The following SLC35F1 variants were observed in gnomAD, a reference collection of about 807,000 sequenced individuals.
SLC35F1 encodes solute carrier family 35 member F1.
Under a neutral mutation model 48.7 loss-of-function variants are expected in SLC35F1, and 14 were observed. The ratio of observed to expected loss-of-function variants is 0.29; its 90% CI spans 0.19 to 0.45. SLC35F1 has a LOEUF of 0.45. SLC35F1 is among the 20% of genes least tolerant of loss of function. The probability of loss-of-function intolerance (pLI) is 1.00; values close to 1 mark genes in which losing one functional copy is unlikely to be tolerated. For synonymous variants in SLC35F1, 190 were observed against 202.2 expected, an observed-to-expected ratio of 0.94 and a Z score of 0.51; for missense variants, 404 against 500.0, an observed-to-expected ratio of 0.81 and a Z score of 1.83.
At chr6:118,017,534 A>G (rs1777338552) in intron 1 of SLC35F1, among the ~76,000 whole-genome samples, 1 of 152,200 alleles carries the variant, frequency 6.6e-6, no homozygotes, top group Non-Finnish European at 1.5e-5. Context: ...GTAAAAGCTC[A>G]ACTTCAAGTA....
intron 4 of SLC35F1, among the ~76,000 whole-genome samples, chr6:118,270,313 A>G (rs1014188559): frequency 4.6e-5 from 7 of 152,298 alleles, no homozygotes; most frequent in African/African-American, 1.7e-4. Context: ...AACTTCTTAG[A>G]TGGCATTAAG....
chr6:117,950,636 A>G (rs1776352714), intron 1 of SLC35F1, among the ~76,000 whole-genome samples: 1 of 152,196 alleles, frequency 6.6e-6, no homozygotes, highest in South Asian at 2.1e-4. Flanking sequence ...CTTACTTCAA[A>G]CATTCTTGGC....
chr6:118,129,987 C>G (rs73520175), intron 1 of SLC35F1, among the ~76,000 whole-genome samples: 1 of 152,158 alleles, frequency 6.6e-6, no homozygotes, highest in Non-Finnish European at 1.5e-5. Context: ...CTGTCAGTCT[C>G]CCAAACTCTC....
chr6:118,261,309 T>A (rs907243748), intron 3 of SLC35F1, among the ~76,000 whole-genome samples: 1 of 152,198 alleles, frequency 6.6e-6, no homozygotes, highest in African/African-American at 2.4e-5. Flanking sequence ...ATGAAGGAAT[T>A]CCATTTCATG....
At chr6:118,182,283 C>T (rs1488242843) in intron 2 of SLC35F1, among the ~76,000 whole-genome samples, 1 of 151,106 alleles carries the variant, frequency 6.6e-6, no homozygotes, top group Non-Finnish European at 1.5e-5. Flanking sequence ...CCCAGGAACT[C>T]GAGACCAGCA....
chr6:117,941,982 G>A (rs932388318), intron 1 of SLC35F1, among the ~76,000 whole-genome samples: 12 of 152,188 alleles, frequency 7.9e-5, no homozygotes, highest in African/African-American at 2.7e-4. Context: ...ATACATCTGT[G>A]TGCCAGGAAG....
chr6:117,987,090 T>A (rs1249477433), intron 1 of SLC35F1, among the ~76,000 whole-genome samples: 1 of 152,220 alleles, frequency 6.6e-6, no homozygotes, highest in Admixed American at 6.5e-5. Flanking sequence ...GCCTCACACC[T>A]AACTGCTTTC....
rs150119169 is a variant in SLC35F1, at chr6:118,102,312, TA to T, written c.174-52132del. On this transcript the variant is annotated intron_variant, in intron 1 of 7. Coordinates refer to ENST00000360388, the MANE Select transcript of SLC35F1 (RefSeq NM_001029858.4). ...AATCTTCCCACCTCAGCCTCCCGAGTAGCTGGGACTACAAGCATGCACCGCC... is the reference window on the plus strand; with the variant it reads ...AATCTTCCCACCTCAGCCTCCCGAGTGCTGGGACTACAAGCATGCACCGCC... 8.6e-3 allele frequency among the ~76,000 whole-genome samples: 1,315 copies of T among 152,200 alleles called. 19 individuals carry two copies. Among genetic ancestry groups the T allele is most frequent in the African/African-American group, 0.03 (1,244 of 41,524 alleles).
At chr6:118,080,139 C>A (rs995399343) in intron 1 of SLC35F1, among the ~76,000 whole-genome samples, 1 of 152,194 alleles carries the variant, frequency 6.6e-6, no homozygotes, top group Non-Finnish European at 1.5e-5. Context: ...CCTACCAGCT[C>A]CTGAAGTAAT....
At chr6:118,210,985 A>T (rs205916) in intron 2 of SLC35F1, among the ~76,000 whole-genome samples, 108,904 of 152,040 alleles carry the variant, frequency 0.72, 40,249 homozygotes, top group African/African-American at 0.89. Context: ...TAAGATAAAA[A>T]GAGGTCCTAT....
At chr6:118,202,327 A>C (rs1395738254) in intron 2 of SLC35F1, among the ~76,000 whole-genome samples, 1 of 151,826 alleles carries the variant, frequency 6.6e-6, no homozygotes, top group Admixed American at 6.6e-5. Context: ...AGCTTCCATC[A>C]CTACAAAAAT....
At chr6:118,112,153 G>A (rs1259319649) in intron 1 of SLC35F1, among the ~76,000 whole-genome samples, 1 of 131,060 alleles carries the variant, frequency 7.6e-6, no homozygotes, top group Admixed American at 7.7e-5. Flanking sequence ...TTTTTGAGAC[G>A]GTGTCTTGTT....
intron 7 of SLC35F1, among the ~76,000 whole-genome samples, chr6:118,290,770 C>T (rs897137762): frequency 2.7e-5 from 4 of 150,460 alleles, no homozygotes; most frequent in African/African-American, 9.8e-5. Flanking sequence ...CCCACCACAG[C>T]CAGATGGGCT....
At chr6:117,954,106 C>T (rs899077532) in intron 1 of SLC35F1, among the ~76,000 whole-genome samples, 4 of 152,202 alleles carry the variant, frequency 2.6e-5, no homozygotes, top group Non-Finnish European at 5.9e-5. Context: ...TTAAAGCAAA[C>T]TGATGCTTTA....
At chr6:117,920,881 G>T (rs1005139741) in intron 1 of SLC35F1, among the ~76,000 whole-genome samples, 3 of 151,932 alleles carry the variant, frequency 2.0e-5, no homozygotes, top group Non-Finnish European at 4.4e-5. Context: ...TTGACCTTTT[G>T]TGTCCTATAT....
intron 1 of SLC35F1, among the ~76,000 whole-genome samples, chr6:118,149,943 C>T (rs1357410966): frequency 6.6e-6 from 1 of 152,182 alleles, no homozygotes; most frequent in African/African-American, 2.4e-5. Flanking sequence ...AGGTTTCTAG[C>T]TGTAAGTTCT....
intron 3 of SLC35F1, among the ~76,000 whole-genome samples, chr6:118,238,305 C>T (rs912732583): frequency 4.6e-5 from 7 of 152,012 alleles, no homozygotes; most frequent in African/African-American, 1.7e-4. Context: ...ATAAGCCGGG[C>T]ATACAGTTGT....
chr6:118,065,043 C>G (rs967672760), intron 1 of SLC35F1, among the ~76,000 whole-genome samples: 1 of 152,122 alleles, frequency 6.6e-6, no homozygotes, highest in Non-Finnish European at 1.5e-5. Context: ...TGGATTTACT[C>G]TGGAGAAGAA....
At chr6:118,231,755 G>A (rs1456377626) in intron 2 of SLC35F1, among the ~76,000 whole-genome samples, 1 of 152,206 alleles carries the variant, frequency 6.6e-6, no homozygotes, top group Admixed American at 6.5e-5. Context: ...GGAACAAACA[G>A]CACCATAGCC....
Sources: gnomAD v4.1 joint callset for allele counts (sites outside exome capture counted in the v4.1 genomes callset) on GRCh38, gnomAD v4.1.1 for gene constraint, MANE v1.5 for transcripts, NCBI Gene and HGNC (gene_info 2026-07-23, HGNC 2026-07-21) for gene names.